The following IFT140 variants were observed in gnomAD, a reference collection of about 807,000 sequenced individuals.
IFT140 encodes the protein intraflagellar transport 140, also known as intraflagellar transport protein 140 homolog.
IFT140 carries 133 observed loss-of-function variants against 164.6 expected under a neutral mutation model. The observed-to-expected ratio is 0.81, with a 90% CI of 0.70 to 0.93. The LOEUF (loss-of-function observed/expected upper bound fraction) is 0.93, where lower values mean the gene tolerates loss of function less well. IFT140 is among the 40% of genes least tolerant of loss of function. The pLI, the probability that IFT140 is intolerant of heterozygous loss-of-function variation, is 0.00. For missense variants in IFT140, 2,045 were observed against 1,972.3 expected, an observed-to-expected ratio of 1.04 and a Z score of -0.70; for synonymous variants, 860 against 817.3, an observed-to-expected ratio of 1.05 and a Z score of -0.89.
chr16:1,545,512 G>A (rs751685954), intron 19 of IFT140, among the ~76,000 whole-genome samples: 24 of 151,856 alleles, frequency 1.6e-4, no homozygotes, highest in Non-Finnish European at 2.5e-4. Context: ...TTTTAGAGTC[G>A]GGTTTTTTTT....
chr16:1,598,440 A>G (rs1231612318), intron 4 of IFT140, among the ~76,000 whole-genome samples: 1 of 152,146 alleles, frequency 6.6e-6, no homozygotes, highest in Non-Finnish European at 1.5e-5. Context: ...CCTGAGCGAC[A>G]GAGTGAGACT....
At chr16:1,565,880 GCAGTGACT>G (rs1328013379) in intron 16 of IFT140, among the ~76,000 whole-genome samples, 1 of 152,186 alleles carries the variant, frequency 6.6e-6, no homozygotes, top group Non-Finnish European at 1.5e-5. Context: ...TTCTCTCCCT[GCAGTGACT>G]CATGGGCCAC....
intron 20 of IFT140, 132 bp from the exon 21 acceptor site, chr16:1,526,209 G>A: frequency 1.1e-6 from 1 of 878,940 alleles, no homozygotes. Flanking sequence ...GGGCCGCTGT[G>A]GGCACAGCAA....
chr16:1,519,771 G>T, intron 29 of IFT140, 110 bp downstream of exon 29: 1 of 1,056,386 alleles, frequency 9.5e-7, no homozygotes, highest in Non-Finnish European at 1.3e-6. Flanking sequence ...TGTCCCAAGT[G>T]AGCTCCCATC....
rs1359214000 is a variant in IFT140 at position 1,551,238 on chromosome 16, G to C, written c.2399+6697C>G. 6.6e-6 allele frequency among the ~76,000 whole-genome samples: 1 copy of C among 152,232 alleles called. No homozygotes were observed. Among genetic ancestry groups the C allele is most frequent in the East Asian group, 1.9e-4 (1 of 5,198 alleles). On this transcript the variant is annotated intron_variant, in intron 19 of 30. Transcript: ENST00000426508. This position sits in a 1 kb window ranked among gnomAD's most constrained non-coding sequence, Gnocchi z 4.0. ...GGGGAGCCTGCCCTGTGGCGGGGGA[G>C]AGCGGCCAGAGCCACCCATGGGTAA...
At chr16:1,539,639 G>T (rs868155569) in intron 19 of IFT140, among the ~76,000 whole-genome samples, 2 of 152,252 alleles carry the variant, frequency 1.3e-5, no homozygotes, top group South Asian at 4.1e-4. Flanking sequence ...CAGTTACTTT[G>T]GAGATGAAGG....
At chr16:1,588,221 T>C (rs931575156) in intron 7 of IFT140, among the ~76,000 whole-genome samples, 197 bp from the exon 8 acceptor site, 5 of 152,146 alleles carry the variant, frequency 3.3e-5, no homozygotes, top group Non-Finnish European at 2.9e-5. Context: ...CCACTACTCT[T>C]GTACATTAAA....
chr16:1,596,514 G>C (rs2035472854), intron 4 of IFT140, among the ~76,000 whole-genome samples: 1 of 152,222 alleles, frequency 6.6e-6, no homozygotes. Context: ...GGAAGAGGTT[G>C]TTGGATGCAA....
intron 18 of IFT140, among the ~76,000 whole-genome samples, chr16:1,559,697 G>A (rs1232096726): frequency 6.6e-6 from 1 of 152,238 alleles, no homozygotes; most frequent in African/African-American, 2.4e-5. Flanking sequence ...TTTGCTAGGT[G>A]AGAGGCATCC....
intron 20 of IFT140, 82 bp downstream of exon 20, chr16:1,526,537 G>C (rs1328146382): frequency 7.5e-7 from 1 of 1,335,120 alleles, no homozygotes; most frequent in Non-Finnish European, 9.9e-7. Flanking sequence ...AGGCCGGTGG[G>C]CGTGCCTCCT....
chr16:1,598,228 G>A (rs1029802481), intron 4 of IFT140, among the ~76,000 whole-genome samples: 3 of 152,222 alleles, frequency 2.0e-5, no homozygotes, highest in Non-Finnish European at 4.4e-5. Flanking sequence ...GGAGGCTGAG[G>A]CGGGCAGATC....
chr16:1,572,065 T>C (rs2034045870), intron 13 of IFT140, among the ~76,000 whole-genome samples: 2 of 151,990 alleles, frequency 1.3e-5, no homozygotes, highest in African/African-American at 4.8e-5. Flanking sequence ...ATGCTGGCAA[T>C]GTCCCACCCG....
chr16:1,600,617 G>A (rs978498406), intron 4 of IFT140, among the ~76,000 whole-genome samples: 2 of 152,168 alleles, frequency 1.3e-5, no homozygotes, highest in East Asian at 1.9e-4. Flanking sequence ...AAGAAGAGCC[G>A]GTTTAAAGAA....
At chr16:1,517,105 T>C (rs1486551707) in intron 30 of IFT140, among the ~76,000 whole-genome samples, 1 of 152,144 alleles carries the variant, frequency 6.6e-6, no homozygotes, top group African/African-American at 2.4e-5. Flanking sequence ...GCGCGGTGGC[T>C]CACGCCTGTA....
At chr16:1,544,518 CG>C (rs1318447519) in intron 19 of IFT140, among the ~76,000 whole-genome samples, 3 of 151,870 alleles carry the variant, frequency 2.0e-5, no homozygotes, top group East Asian at 1.9e-4. Context: ...TTAGTAGAGA[CG>C]GGGTTTCACC....
chr16:1,595,706 T>C (rs926197565), intron 4 of IFT140, among the ~76,000 whole-genome samples: 3 of 151,980 alleles, frequency 2.0e-5, no homozygotes, highest in African/African-American at 7.3e-5. Flanking sequence ...ATAGGAATAG[T>C]GTATATTATC....
chr16:1,574,035 T>C (rs1203228410), intron 13 of IFT140, among the ~76,000 whole-genome samples: 1 of 152,168 alleles, frequency 6.6e-6, no homozygotes, highest in Non-Finnish European at 1.5e-5. Context: ...AGCTGAGAAC[T>C]AACCTGATAA....
intron 13 of IFT140, among the ~76,000 whole-genome samples, chr16:1,573,465 T>C (rs922571864): frequency 2.6e-4 from 38 of 143,728 alleles, no homozygotes; most frequent in African/African-American, 1.1e-3. Flanking sequence ...GCTCCTGACC[T>C]CCAGAGCTTG....
At chr16:1,516,162 A>ACC (rs1567318516) in intron 30 of IFT140, among the ~76,000 whole-genome samples, 3 of 118,120 alleles carry the variant, frequency 2.5e-5, no homozygotes, top group South Asian at 5.1e-4. Flanking sequence ...AAAAAAAAAA[A>ACC]AAAAAAAAAA....
Sources: gnomAD v4.1 joint callset for allele counts (sites outside exome capture counted in the v4.1 genomes callset) on GRCh38, gnomAD v4.1.1 for gene constraint, Gnocchi (gnomAD v3.1) non-coding constraint, MANE v1.5 for transcripts, NCBI Gene and HGNC (gene_info 2026-07-23, HGNC 2026-07-21) for gene names.